The following ZMYM4 variants were observed in gnomAD, a reference collection of about 807,000 sequenced individuals.
ZMYM4 encodes zinc finger MYM-type containing 4, also known as zinc finger MYM-type protein 4.
A neutral mutation model predicts 183.2 loss-of-function variants in ZMYM4; 31 were observed. The ratio of observed to expected loss-of-function variants is 0.17; its 90% CI spans 0.13 to 0.23. The LOEUF is 0.23. ZMYM4 is among the 10% of genes least tolerant of loss of function. ZMYM4 has a pLI of 1.00. For missense variants in ZMYM4, 1,273 were observed against 1,840.3 expected (o/e 0.69, Z 5.64); for synonymous variants, 592 against 631.2 (o/e 0.94, Z 0.93).
chr1:35,368,212 G>A (rs977320860), intron 5 of ZMYM4, among the ~76,000 whole-genome samples: 2 of 152,002 alleles, frequency 1.3e-5, no homozygotes, highest in East Asian at 3.9e-4. Context: ...GAGACCATAT[G>A]GCCTGCAAAG....
Position 35,361,302 on chromosome 1 carries a change from C to A in ZMYM4, c.669+47C>A. The A allele has an allele frequency of 2.6e-6, 4 of 1,522,972 alleles. No individual in the cohort carries two copies. The South Asian group carries it at 5.1e-5, about 19-fold the overall frequency. 94.3% of individuals were successfully genotyped at this position (1,522,972 alleles called of 1,614,324 possible). A position where few individuals can be genotyped will look rare whatever the true frequency, so the allele number is the denominator to read the frequency against. On this transcript the variant is annotated intron_variant, in intron 4 of 29. Coordinates refer to ENST00000314607, the MANE Select transcript of ZMYM4 (RefSeq NM_005095.3). ...AGATTGCTGTAACTGTGACAAGTGT[C>A]AAAGTTTTCTTTATGTCAGTTTCTA...
intron 1 of ZMYM4, among the ~76,000 whole-genome samples, chr1:35,289,004 C>G (rs1310641919): frequency 2.0e-5 from 3 of 152,042 alleles, no homozygotes; most frequent in Admixed American, 2.0e-4. Flanking sequence ...AGATGTGGTT[C>G]CAAGTGCTGG....
At chr1:35,275,903 C>T (rs1359233453) in intron 1 of ZMYM4, among the ~76,000 whole-genome samples, 1 of 152,204 alleles carries the variant, frequency 6.6e-6, no homozygotes, top group East Asian at 1.9e-4. Context: ...AGTTCTTATC[C>T]AACCTTCTCA....
chr1:35,393,501 C>T, intron 17 of ZMYM4, 94 bp from the exon 18 acceptor site: 1 of 1,179,926 alleles, frequency 8.5e-7, no homozygotes, highest in Non-Finnish European at 1.1e-6. Flanking sequence ...CCATGTAATT[C>T]CAATATGACA....
Position 35,269,191 on chromosome 1 carries a change from G to C in ZMYM4, c.39+106G>C. ...GGAGGGGTCGCCGAGGCCCAGTTAGGACAAGGTTGCGGGCAGGTCTGAGGC... is the reference window on the plus strand; with the variant it reads ...GGAGGGGTCGCCGAGGCCCAGTTAGCACAAGGTTGCGGGCAGGTCTGAGGC... On this transcript the variant is annotated intron_variant, in intron 1 of 29. Transcript: ENST00000314607. 2.9e-6 allele frequency: 4 copies of C among 1,362,768 alleles called. No individual in the cohort carries two copies. The Admixed American group carries it at 7.1e-5, about 24-fold the overall frequency. The allele number at this position is 1,362,768 out of a possible 1,614,324, so 84.4% of individuals were successfully genotyped here. A position where few individuals can be genotyped will look rare whatever the true frequency, so the allele number is the denominator to read the frequency against.
At chr1:35,309,683 ATACTT>A (rs980717503) in intron 1 of ZMYM4, among the ~76,000 whole-genome samples, 13 of 152,000 alleles carry the variant, frequency 8.6e-5, no homozygotes, top group African/African-American at 3.1e-4. Context: ...CGATCTCAAA[ATACTT>A]TATGGTGATT....
chr1:35,346,581 G>T (rs1570402938), intron 2 of ZMYM4, among the ~76,000 whole-genome samples: 1 of 149,204 alleles, frequency 6.7e-6, no homozygotes, highest in East Asian at 2.0e-4. Flanking sequence ...AACCTAGGAG[G>T]TGGAGGTTGT....
intron 2 of ZMYM4, among the ~76,000 whole-genome samples, chr1:35,341,297 T>C (rs753799433): frequency 6.6e-6 from 1 of 152,110 alleles, no homozygotes; most frequent in Non-Finnish European, 1.5e-5. Flanking sequence ...GTTGGACTTC[T>C]AATTGAAAAT....
At chr1:35,413,547 G>A (rs1639997675) in intron 26 of ZMYM4, among the ~76,000 whole-genome samples, 1 of 152,164 alleles carries the variant, frequency 6.6e-6, no homozygotes, top group Non-Finnish European at 1.5e-5. Context: ...CTAACTGTGT[G>A]ATTGCAAGAA....
intron 11 of ZMYM4, among the ~76,000 whole-genome samples, chr1:35,386,648 A>G (rs1464386043): frequency 6.6e-6 from 1 of 152,138 alleles, no homozygotes; most frequent in Non-Finnish European, 1.5e-5. Flanking sequence ...GGTGTTTGCT[A>G]GGGCCTGGGT....
intron 2 of ZMYM4, among the ~76,000 whole-genome samples, chr1:35,339,774 A>G (rs1053138593): frequency 2.0e-5 from 3 of 152,044 alleles, no homozygotes; most frequent in African/African-American, 7.3e-5. Flanking sequence ...CTAATTTTTT[A>G]TATGGTGTGG....
intron 5 of ZMYM4, among the ~76,000 whole-genome samples, chr1:35,369,279 G>A (rs750433651): frequency 3.9e-5 from 6 of 152,178 alleles, no homozygotes; most frequent in Non-Finnish European, 7.4e-5. Flanking sequence ...AAACAGCACT[G>A]AAAGGTTGTA....
chr1:35,287,454 T>C (rs1258918652), intron 1 of ZMYM4, among the ~76,000 whole-genome samples: 1 of 152,114 alleles, frequency 6.6e-6, no homozygotes, highest in Non-Finnish European at 1.5e-5. Context: ...ACTAAAAATC[T>C]TGTGTTTTTG....
rs369392053 is a variant in ZMYM4, at chr1:35,316,205, C to T, written c.40-9155C>T. On this transcript the variant is annotated intron_variant, in intron 1 of 29. Coordinates refer to ENST00000314607, the MANE Select transcript of ZMYM4 (RefSeq NM_005095.3). ...ATCGAGTCCCAGAGGAGTGAAGTTT[C>T]TCCCTTAAGCTTTGTTTGTTAGTAG... Among the ~76,000 whole-genome samples the T allele has an allele frequency of 6.6e-5, 10 of 152,234 alleles. No individual in the cohort carries two copies. The East Asian group carries it at 9.6e-4, about 15-fold the overall frequency.
intron 1 of ZMYM4, among the ~76,000 whole-genome samples, chr1:35,323,151 G>T (rs531060960): frequency 6.6e-6 from 1 of 151,798 alleles, no homozygotes; most frequent in Admixed American, 6.6e-5. Context: ...ACAGGTGCCC[G>T]CCACCACGCC....
chr1:35,388,558 T>C (rs1644632032), intron 13 of ZMYM4, among the ~76,000 whole-genome samples: 2 of 152,278 alleles, frequency 1.3e-5, no homozygotes, highest in South Asian at 4.1e-4. Flanking sequence ...TCTTCTGTGC[T>C]ATCCTGTCTT....
intron 17 of ZMYM4, among the ~76,000 whole-genome samples, 200 bp downstream of exon 17, chr1:35,392,884 G>T (rs1294360657): frequency 1.3e-5 from 2 of 151,954 alleles, no homozygotes; most frequent in African/African-American, 2.4e-5. Context: ...TTGAATGCTG[G>T]CTATGTAGTT....
rs1329313680 is a variant in ZMYM4 at position 35,389,890 on chromosome 1, A to G, written c.2437-58A>G. ...CACTTGTTATGTGTGTCTTATTTTT[A>G]TTTTGTCAGACCACAGATAATTTGT... On this transcript the variant is annotated intron_variant, in intron 14 of 29. Coordinates refer to ENST00000314607, the MANE Select transcript of ZMYM4 (RefSeq NM_005095.3). The surrounding 1 kb of genome is among the most constrained non-coding windows in gnomAD (Gnocchi z 4.0). The G allele has an allele frequency of 1.3e-6, 2 of 1,533,960 alleles. No individual in the cohort carries two copies. The highest frequency in any genetic ancestry group is 1.8e-6 in the Non-Finnish European group (2 of 1,138,190).
At chr1:35,372,671 T>A (rs1353924194) in intron 7 of ZMYM4, among the ~76,000 whole-genome samples, 1 of 152,068 alleles carries the variant, frequency 6.6e-6, no homozygotes, top group Non-Finnish European at 1.5e-5. Context: ...GTGTTTCAGA[T>A]TTTGGATTTT....
Sources: allele counts gnomAD v4.1 joint callset (sites outside exome capture counted in the v4.1 genomes callset), GRCh38; gene constraint gnomAD v4.1.1; non-coding constraint Gnocchi (gnomAD v3.1); transcripts MANE v1.5; gene names NCBI Gene and HGNC (gene_info 2026-07-23, HGNC 2026-07-21).